Variants in CUX1 observed in about 807,000 individuals in gnomAD.
CUX1 encodes protein CASP.
Under a neutral mutation model 158.8 loss-of-function variants are expected in CUX1, and 31 were observed. That is an observed-to-expected ratio of 0.20 (90% CI 0.15 to 0.26). CUX1 has a LOEUF of 0.26. CUX1 is among the 10% of genes least tolerant of loss of function. The pLI is 1.00. For synonymous variants in CUX1, 879 were observed against 862.1 expected (o/e 1.02, Z -0.34); for missense variants, 1,589 against 2,014.6 (o/e 0.79, Z 4.04).
intron 2 of CUX1, among the ~76,000 whole-genome samples, chr7:101,947,829 A>C (rs1016820856): frequency 7.9e-5 from 12 of 152,224 alleles, no homozygotes; most frequent in Non-Finnish European, 2.9e-5. Context: ...GAAAGGATGA[A>C]GACCAATTTT....
intron 2 of CUX1, among the ~76,000 whole-genome samples, chr7:101,953,669 G>A (rs1026727126): frequency 6.6e-6 from 1 of 152,156 alleles, no homozygotes. Flanking sequence ...TTTACCTCAC[G>A]TACCAAATAT....
At chr7:102,065,226 G>A (rs1585496211) in intron 3 of CUX1, among the ~76,000 whole-genome samples, 1 of 151,958 alleles carries the variant, frequency 6.6e-6, no homozygotes. Flanking sequence ...GACTACAGGC[G>A]TGTACCACCG....
intron 20 of CUX1, among the ~76,000 whole-genome samples, chr7:102,225,355 A>C (rs928244178): frequency 6.6e-6 from 1 of 152,226 alleles, no homozygotes; most frequent in Non-Finnish European, 1.5e-5. Context: ...TGAATACAAA[A>C]TATTCCTTGT....
In CUX1 at chr7:102,250,525, T is replaced by C. The variant is rs1554539652; in HGVS notation, c.*1483T>C. 3.0e-6 allele frequency: 3 copies of C among 985,438 alleles called. No individual in the cohort carries two copies. The highest frequency in any genetic ancestry group is 3.6e-6 in the Non-Finnish European group (3 of 829,952). 61.0% of individuals were successfully genotyped at this position (985,438 alleles called of 1,614,324 possible). On this transcript the variant is annotated 3_prime_UTR_variant, in exon 24 of 24. Transcript: ENST00000292535. ...TGACCCTGTTGAACTCGTGGGAAACTTCCTTTCTCTGCAGGAGAGAGAACG... is the reference window on the plus strand; with the variant it reads ...TGACCCTGTTGAACTCGTGGGAAACCTCCTTTCTCTGCAGGAGAGAGAACG...
intron 3 of CUX1, among the ~76,000 whole-genome samples, chr7:102,033,796 A>G (rs1396544206): frequency 6.6e-6 from 1 of 152,180 alleles, no homozygotes; most frequent in Non-Finnish European, 1.5e-5. Context: ...TTATGAGGCT[A>G]ATATAACCTT....
chr7:101,864,203 C>T (rs1192297087), intron 1 of CUX1, among the ~76,000 whole-genome samples: 3 of 151,928 alleles, frequency 2.0e-5, no homozygotes, highest in Admixed American at 2.0e-4. Context: ...CTGTGTTGCC[C>T]AGGCTGGAGT....
At chr7:102,060,582 T>TATATATATATACACACACACATATATAC (rs1198903178) in intron 3 of CUX1, among the ~76,000 whole-genome samples, 5 of 114,716 alleles carry the variant, frequency 4.4e-5, no homozygotes, top group African/African-American at 6.5e-5. Flanking sequence ...CATATATACA[T>TATATATATATACACACACACATATATAC]ATATATATAT....
chr7:102,183,342 AGCCAGAGTGGTGGCACAT>A (rs1263279886), intron 11 of CUX1, among the ~76,000 whole-genome samples: 1 of 150,854 alleles, frequency 6.6e-6, no homozygotes, highest in Non-Finnish European at 1.5e-5. Context: ...TTTTTTAATG[AGCCAGAGTGGTGGCACAT>A]GCCCGTTGTC....
chr7:102,070,446 T>TG (rs566867354), intron 4 of CUX1, 29 bp downstream of exon 4: 75 of 1,562,124 alleles, frequency 4.8e-5, no homozygotes, highest in East Asian at 1.1e-4. Flanking sequence ...GGCCCACCAG[T>TG]GGGGGGCGTT....
intron 14 of CUX1, among the ~76,000 whole-genome samples, chr7:102,268,484 C>A (rs1790968789): frequency 2.6e-5 from 4 of 152,150 alleles, no homozygotes; most frequent in Non-Finnish European, 4.4e-5. Context: ...CCTGCTGCCT[C>A]TTCTCAGGGT....
chr7:101,954,991 T>G (rs192281647), intron 2 of CUX1, among the ~76,000 whole-genome samples: 168 of 152,246 alleles, frequency 1.1e-3, no homozygotes, highest in African/African-American at 2.7e-3. Context: ...GCCAACATGG[T>G]GAGACCCTGT....
At chr7:101,997,011 C>CCCTGCGCTCGTGT (rs1816005581) in intron 2 of CUX1, among the ~76,000 whole-genome samples, 1 of 152,130 alleles carries the variant, frequency 6.6e-6, no homozygotes, top group African/African-American at 2.4e-5. Flanking sequence ...GTGTGCACTC[C>CCCTGCGCTCGTGT]GGCCCAGCCT....
Position 101,851,986 on chromosome 7 carries a change from G to A in CUX1, c.30+34317G>A, listed in dbSNP as rs916980385. ...TAGGACTACAGGTGCACACCACCAC[G>A]CCTGGCTAATTTTTTAAGTATTTTA... On this transcript the variant is annotated intron_variant, in intron 1 of 23. Transcript: ENST00000292535. Among the ~76,000 whole-genome samples, 5 of 151,850 alleles carry A rather than the reference G, an allele frequency of 3.3e-5. No homozygotes were observed. The East Asian group carries it at 9.8e-4, about 30-fold the overall frequency.
At chr7:101,881,584 TGCC>T (rs1368263320) in intron 1 of CUX1, among the ~76,000 whole-genome samples, 3 of 152,244 alleles carry the variant, frequency 2.0e-5, no homozygotes, top group Non-Finnish European at 4.4e-5. Flanking sequence ...CCAATATGAA[TGCC>T]CTGGTGGGCT....
At chr7:102,064,343 C>G (rs1029994013) in intron 3 of CUX1, among the ~76,000 whole-genome samples, 2 of 152,290 alleles carry the variant, frequency 1.3e-5, no homozygotes, top group Admixed American at 1.3e-4. Context: ...AGCAACGGTG[C>G]CGGCTCTAAA....
At chr7:101,834,658 T>TCCGTC (rs1794435447) in intron 1 of CUX1, among the ~76,000 whole-genome samples, 2 of 152,176 alleles carry the variant, frequency 1.3e-5, no homozygotes, top group Non-Finnish European at 2.9e-5. Flanking sequence ...ATACAATACC[T>TCCGTC]CCGTCCCGTA....
intron 2 of CUX1, among the ~76,000 whole-genome samples, chr7:101,940,263 G>A (rs979477781): frequency 1.3e-5 from 2 of 151,722 alleles, no homozygotes; most frequent in Non-Finnish European, 2.9e-5. Flanking sequence ...AAAAGAGGAG[G>A]TTTTAATGTT....
At chr7:102,189,915 T>TTA (rs782435974) in intron 12 of CUX1, 44 bp downstream of exon 12, 1 of 1,599,882 alleles carries the variant, frequency 6.3e-7, no homozygotes, top group South Asian at 1.1e-5. Context: ...CTGGGGCGCA[T>TTA]TAGGGCCATC....
intron 3 of CUX1, among the ~76,000 whole-genome samples, chr7:102,069,909 G>A (rs1274485722): frequency 2.0e-5 from 3 of 152,224 alleles, no homozygotes; most frequent in Non-Finnish European, 4.4e-5. Context: ...ATGTCCCCAG[G>A]GATTTAATTA....
Sources: gnomAD v4.1 joint callset for allele counts (sites outside exome capture counted in the v4.1 genomes callset) on GRCh38, gnomAD v4.1.1 for gene constraint, MANE v1.5 for transcripts, NCBI Gene and HGNC (gene_info 2026-07-23, HGNC 2026-07-21) for gene names.